The following CFAP61 variants were observed in gnomAD, a reference collection of about 807,000 sequenced individuals.
CFAP61 encodes the protein cilia and flagella associated protein 61.
A neutral mutation model predicts 135.6 loss-of-function variants in CFAP61; 107 were observed. The observed-to-expected ratio is 0.79, with a 90% confidence interval of 0.67 to 0.93. CFAP61 has a LOEUF of 0.93. Among genes scored for constraint, CFAP61 ranks in the 40% least tolerant of loss-of-function variants. The pLI is 0.00. For synonymous variants in CFAP61, 575 were observed against 578.5 expected (o/e 0.99, Z 0.09); for missense variants, 1,507 against 1,556.2 (o/e 0.97, Z 0.53).
chr20:20,126,945 G>A (rs890094296), intron 8 of CFAP61, among the ~76,000 whole-genome samples: 2 of 151,392 alleles, frequency 1.3e-5, no homozygotes, highest in African/African-American at 2.4e-5. Flanking sequence ...TTGTTGGATT[G>A]GGTTAATTCG....
chr20:20,353,317 A>G (rs1388774910), intron 26 of CFAP61, among the ~76,000 whole-genome samples: 2 of 152,180 alleles, frequency 1.3e-5, no homozygotes, highest in African/African-American at 2.4e-5. Flanking sequence ...TGGCATGTCT[A>G]AATGGTCCCA....
chr20:20,195,071 G>T (rs1217658236), intron 15 of CFAP61, among the ~76,000 whole-genome samples: 1 of 152,098 alleles, frequency 6.6e-6, no homozygotes, highest in Non-Finnish European at 1.5e-5. Flanking sequence ...TTAAAGAAAA[G>T]TCTTATAGTA....
Position 20,196,915 on chromosome 20 carries a change from G to A in CFAP61, c.1797+139G>A, listed in dbSNP as rs181361874. 10 of 744,976 alleles carry A rather than the reference G, an allele frequency of 1.3e-5. No homozygotes were observed. In the East Asian group the frequency reaches 2.4e-4, roughly 18 times the overall value. The allele number at this position is 744,976 out of a possible 1,614,324, so 46.1% of individuals were successfully genotyped here. ...TCTGAATTTCCAATGGCCATATTTA[G>A]TTTGGCCTTTTTCATAAACTACAGT... On this transcript the variant is annotated intron_variant, in intron 16 of 26. Coordinates refer to ENST00000245957, the MANE Select transcript of CFAP61 (RefSeq NM_015585.4).
intron 25 of CFAP61, among the ~76,000 whole-genome samples, chr20:20,310,158 T>G (rs1240882228): frequency 6.6e-6 from 1 of 152,138 alleles, no homozygotes; most frequent in Non-Finnish European, 1.5e-5. Context: ...CACACCCTGC[T>G]AATTTTTGTA....
chr20:20,264,185 G>T (rs1018689811), intron 21 of CFAP61, among the ~76,000 whole-genome samples: 2 of 152,050 alleles, frequency 1.3e-5, no homozygotes, highest in Non-Finnish European at 2.9e-5. Context: ...ACTATTTATA[G>T]GCTATTTGCC....
chr20:20,205,463 G>A (rs1399335257), intron 17 of CFAP61, among the ~76,000 whole-genome samples: 1 of 152,208 alleles, frequency 6.6e-6, no homozygotes, highest in Non-Finnish European at 1.5e-5. Context: ...CTACCTAAAG[G>A]CTGAAGTACT....
intron 26 of CFAP61, among the ~76,000 whole-genome samples, chr20:20,346,536 T>A (rs79939928): frequency 0.12 from 13,542 of 115,404 alleles, 883 homozygotes; most frequent in East Asian, 0.27. Flanking sequence ...AAAAAAAAAA[T>A]CTTCATAACA....
At chr20:20,259,520 G>A (rs1336656419) in intron 20 of CFAP61, among the ~76,000 whole-genome samples, 1 of 150,492 alleles carries the variant, frequency 6.6e-6, no homozygotes. Flanking sequence ...GGATCCGCCT[G>A]CCTCAGCCTC....
At chr20:20,097,318 G>T (rs1036223686) in intron 7 of CFAP61, among the ~76,000 whole-genome samples, 1 of 152,108 alleles carries the variant, frequency 6.6e-6, no homozygotes, top group Non-Finnish European at 1.5e-5. Flanking sequence ...GTAAATGCAG[G>T]TTTCTAATAA....
chr20:20,235,070 C>A (rs1223787763), intron 18 of CFAP61, among the ~76,000 whole-genome samples: 2 of 152,110 alleles, frequency 1.3e-5, no homozygotes, highest in African/African-American at 4.8e-5. Flanking sequence ...GAGTCTCCTC[C>A]ACGTGGAGGA....
chr20:20,287,304 G>A (rs2054656237), intron 22 of CFAP61, among the ~76,000 whole-genome samples: 1 of 152,176 alleles, frequency 6.6e-6, no homozygotes, highest in African/African-American at 2.4e-5. Flanking sequence ...GAGGACCAAG[G>A]ACATCATAGA....
intron 6 of CFAP61, among the ~76,000 whole-genome samples, chr20:20,090,516 C>A (rs757389248): frequency 1.3e-5 from 2 of 151,710 alleles, no homozygotes. Flanking sequence ...ATGGTGAAAC[C>A]CTATCTCTAC....
intron 8 of CFAP61, among the ~76,000 whole-genome samples, chr20:20,121,800 T>C (rs1304271618): frequency 6.6e-6 from 1 of 152,182 alleles, no homozygotes; most frequent in Admixed American, 6.5e-5. Flanking sequence ...AGCTGATAAG[T>C]ACAGGCTTTC....
chr20:20,120,150 ATC>A (rs1233598882), intron 8 of CFAP61, among the ~76,000 whole-genome samples: 1 of 152,094 alleles, frequency 6.6e-6, no homozygotes, highest in Non-Finnish European at 1.5e-5. Flanking sequence ...TTTTGCTCCC[ATC>A]TTTATTTCAT....
intron 8 of CFAP61, among the ~76,000 whole-genome samples, chr20:20,128,859 A>G (rs184178391): frequency 5.9e-5 from 9 of 151,824 alleles, no homozygotes; most frequent in Admixed American, 5.2e-4. Flanking sequence ...CTTACCTTCG[A>G]TCACAAAAAA....
Position 20,105,204 on chromosome 20 carries a change from G to A in CFAP61, c.859+6390G>A, listed in dbSNP as rs955876602. On this transcript the variant is annotated intron_variant, in intron 8 of 26. Transcript: ENST00000245957. The stretch of plus-strand genomic sequence containing the variant: ...CGCACCCACCCAACCTTCTGTGCCC[G>A]AGGAAAGTCCCTGTGTCCCACCAAT... Among the ~76,000 whole-genome samples the A allele has an allele frequency of 4.6e-5, 7 of 152,136 alleles. No homozygotes were observed. The East Asian group carries it at 1.4e-3, about 29-fold the overall frequency.
At chr20:20,201,988 T>A (rs895041977) in intron 17 of CFAP61, among the ~76,000 whole-genome samples, 1 of 130,662 alleles carries the variant, frequency 7.7e-6, no homozygotes, top group Non-Finnish European at 1.6e-5. Flanking sequence ...CCCACCCTAC[T>A]GTGAGAATTT....
At chr20:20,183,231 T>C (rs1450955365) in intron 13 of CFAP61, among the ~76,000 whole-genome samples, 1 of 152,046 alleles carries the variant, frequency 6.6e-6, no homozygotes, top group Non-Finnish European at 1.5e-5. Context: ...TTCGACTCAC[T>C]GCAACCTCTG....
Position 20,196,920 on chromosome 20 carries a change from G to T in CFAP61, c.1797+144G>T. 5 of 721,786 alleles carry T rather than the reference G, an allele frequency of 6.9e-6. 1 individual carries two copies. In the South Asian group the frequency reaches 9.2e-5, roughly 13 times the overall value. 44.7% of individuals were successfully genotyped at this position (721,786 alleles called of 1,614,324 possible). On this transcript the variant is annotated intron_variant, in intron 16 of 26. Coordinates refer to ENST00000245957, the MANE Select transcript of CFAP61 (RefSeq NM_015585.4). ...ATTTCCAATGGCCATATTTAGTTTG[G>T]CCTTTTTCATAAACTACAGTGACAT...
Sources: gnomAD v4.1 joint callset for allele counts (sites outside exome capture counted in the v4.1 genomes callset) on GRCh38, gnomAD v4.1.1 for gene constraint, MANE v1.5 for transcripts, NCBI Gene and HGNC (gene_info 2026-07-23, HGNC 2026-07-21) for gene names.